ZNF274: variants seen among roughly 807,000 people sequenced by gnomAD.
ZNF274 encodes neurotrophin receptor-interacting factor homolog.
ZNF274 carries 23 observed loss-of-function variants against 42.5 expected under a neutral mutation model. That is an observed-to-expected ratio of 0.54 (90% CI 0.39 to 0.77). The LOEUF is 0.77. Ranked by LOEUF, ZNF274 falls within the 30% of genes least tolerant of loss-of-function variation. The pLI is 0.00. For synonymous variants in ZNF274, 292 were observed against 305.4 expected (o/e 0.96, Z 0.46); for missense variants, 679 against 806.5 (o/e 0.84, Z 1.91).
rs1030733919 is a variant in ZNF274, at chr19:58,211,479, C to A, written c.853-81C>A. The A allele has an allele frequency of 4.6e-6, 7 of 1,515,436 alleles. No individual in the cohort carries two copies. In the African/African-American group the frequency reaches 9.7e-5, roughly 21 times the overall value. The allele number at this position is 1,515,436 out of a possible 1,614,324, so 93.9% of individuals were successfully genotyped here. A position where few individuals can be genotyped will look rare whatever the true frequency, so the allele number is the denominator to read the frequency against. ...CTAGCACCGTGAGCTCTGTCAGAAC[C>A]TCCCAGCTGGCCTTTCTTCTGCCCT... is the stretch of plus-strand genomic sequence containing the variant. On this transcript the variant is annotated intron_variant, in intron 6 of 7. Transcript: ENST00000617501. The surrounding 1 kb of genome is among the most constrained non-coding windows in gnomAD (Gnocchi z 4.8).
At chr19:58,188,300 G>C (rs2075723881) in intron 4 of ZNF274, among the ~76,000 whole-genome samples, 1 of 151,076 alleles carries the variant, frequency 6.6e-6, no homozygotes, top group Admixed American at 6.6e-5. Flanking sequence ...TGAGGTGGGA[G>C]GTTGTTTGAG....
intron 3 of ZNF274, 131 bp from the exon 4 acceptor site, chr19:58,186,816 T>C: frequency 1.4e-6 from 1 of 705,858 alleles, no homozygotes; most frequent in Non-Finnish European, 2.4e-6. Flanking sequence ...GATGGAGTTG[T>C]GTTCACTGCT....
At chr19:58,186,846 C>A in intron 3 of ZNF274, 101 bp from the exon 4 acceptor site, 1 of 971,908 alleles carries the variant, frequency 1.0e-6, no homozygotes, top group South Asian at 1.5e-5. Flanking sequence ...AAGTCATGTG[C>A]CTTAGCAGGG....
chr19:58,195,221 GTGTGTGTATATA>G (rs1169921647), intron 4 of ZNF274, among the ~76,000 whole-genome samples: 2 of 144,304 alleles, frequency 1.4e-5, no homozygotes, highest in East Asian at 1.9e-4. Flanking sequence ...ACACATATAT[GTGTGTGTATATA>G]TGTGTGTGTA....
At chr19:58,186,535 CA>C (rs10695409) in intron 3 of ZNF274, among the ~76,000 whole-genome samples, 122 of 102,202 alleles carry the variant, frequency 1.2e-3, no homozygotes, top group East Asian at 1.6e-3. Flanking sequence ...GACTCCGTCT[CA>C]AAAAAAAAAA....
intron 4 of ZNF274, among the ~76,000 whole-genome samples, chr19:58,195,676 C>T (rs542138521): frequency 6.6e-6 from 1 of 152,126 alleles, no homozygotes. Flanking sequence ...CTTTTTGGCA[C>T]TAGGGACCGG....
intron 4 of ZNF274, among the ~76,000 whole-genome samples, chr19:58,190,289 A>C (rs2146201527): frequency 6.6e-6 from 1 of 151,966 alleles, no homozygotes. Context: ...CTGGGACTAC[A>C]GGCATGTGCC....
rs769545014 is a variant in ZNF274 at position 58,185,749 on chromosome 19, C to T, written c.71C>T (p.Thr24Ile). The T allele has an allele frequency of 6.8e-6, 10 of 1,463,628 alleles. No individual in the cohort carries two copies. Among genetic ancestry groups the T allele is most frequent in the Middle Eastern group, 1.8e-4 (1 of 5,450 alleles). 90.7% of individuals were successfully genotyped at this position (1,463,628 alleles called of 1,614,324 possible). A position where few individuals can be genotyped will look rare whatever the true frequency, so the allele number is the denominator to read the frequency against. The change falls in exon 3 of 8, where the codon ACC becomes ATC. Residue 24 changes from threonine to isoleucine, a missense_variant. Thr to Ile is a moderately conservative substitution (Grantham distance 89). Around this residue, in one of 2 missense-constraint regions of ZNF274, gnomAD observed 223 missense variants for 216.4 expected, o/e 1.03. Coordinates refer to ENST00000617501, the MANE Select transcript of ZNF274 (RefSeq NM_133502.3). Reference sequence around the variant, plus strand: ...TTTGAAGATGTAACACTGGGTTTTACCCCGGAAGAGTGGGGACTGCTGGAC... The same window carrying T: ...TTTGAAGATGTAACACTGGGTTTTATCCCGGAAGAGTGGGGACTGCTGGAC... ...VTFEDVTLGFTPEEWGLLDLK... is the reference protein window; with the variant it reads ...VTFEDVTLGFIPEEWGLLDLK...
chr19:58,209,400 G>A (rs1280166838), intron 5 of ZNF274: 1 of 152,540 alleles, frequency 6.6e-6, no homozygotes, highest in Non-Finnish European at 1.5e-5. Flanking sequence ...TGTGAGGAAG[G>A]TTAGAATGAA....
chr19:58,187,128 G>A, intron 4 of ZNF274, 86 bp downstream of exon 4: 1 of 1,177,310 alleles, frequency 8.5e-7, no homozygotes, highest in Non-Finnish European at 1.2e-6. Context: ...AGTAGACATT[G>A]GGATACCCCA....
chr19:58,207,317 C>A lies in ZNF274; in HGVS notation c.739+115C>A. The A allele has an allele frequency of 7.0e-7, 1 of 1,429,206 alleles. No individual in the cohort carries two copies. Among genetic ancestry groups the A allele is most frequent in the Non-Finnish European group, 9.3e-7 (1 of 1,079,670 alleles). The allele number at this position is 1,429,206 out of a possible 1,614,324, so 88.5% of individuals were successfully genotyped here. On this transcript the variant is annotated intron_variant, in intron 5 of 7. Transcript: ENST00000617501. This position sits in a 1 kb window ranked among gnomAD's most constrained non-coding sequence, Gnocchi z 5.6. ...GGTCATGGGAAGGATTGTGTCCGCT[C>A]CATACAGACCAAGGACATCCATGTT... is the stretch of plus-strand genomic sequence containing the variant.
At position 58,185,617 on chromosome 19, in the gene ZNF274, C is replaced by G. The variant is rs1366327270; in HGVS notation, c.34-95C>G. 3.0e-6 allele frequency: 4 copies of G among 1,314,320 alleles called. No individual in the cohort carries two copies. The East Asian group carries it at 1.1e-4, about 37-fold the overall frequency. The allele number at this position is 1,314,320 out of a possible 1,614,324, so 81.4% of individuals were successfully genotyped here. A position where few individuals can be genotyped will look rare whatever the true frequency, so the allele number is the denominator to read the frequency against. On this transcript the variant is annotated intron_variant, in intron 2 of 7. Coordinates refer to ENST00000617501, the MANE Select transcript of ZNF274 (RefSeq NM_133502.3). ...AATGCCCTTGGGTCATCTTGTAGAC[C>G]ATTCTGTGCTTTCACTGGCCTGGTC...
Position 58,213,297 on chromosome 19 carries a change from C to T in ZNF274, c.*154C>T. On this transcript the variant is annotated 3_prime_UTR_variant, in exon 8 of 8. Transcript: ENST00000617501. ...GGACAACTGAGGAGACTGCCCAGCA[C>T]ATAATGAATAAATAAGAAAATGAGT... The T allele has an allele frequency of 2.4e-6, 2 of 849,246 alleles. No individual in the cohort carries two copies. Among genetic ancestry groups the T allele is most frequent in the Admixed American group, 3.4e-5 (1 of 29,538 alleles). 52.6% of individuals were successfully genotyped at this position (849,246 alleles called of 1,614,324 possible).
At chr19:58,186,176 T>TA (rs33929829) in intron 3 of ZNF274, 1,445 of 134,170 alleles carry the variant, frequency 0.011, 12 homozygotes, top group African/African-American at 0.022. Context: ...GTGTCTCTAT[T>TA]AAAAAAAAAA....
At chr19:58,188,686 A>G (rs1171541115) in intron 4 of ZNF274, among the ~76,000 whole-genome samples, 6 of 69,454 alleles carry the variant, frequency 8.6e-5, no homozygotes, top group African/African-American at 3.0e-4. Flanking sequence ...GTATATATAT[A>G]TGTATATGTA....
chr19:58,207,058 C>A lies in ZNF274; in HGVS notation c.595C>A (p.Gln199Lys). The change falls in exon 5 of 8, where the codon CAG (glutamine) becomes AAG (lysine). Residue 199 changes from glutamine to lysine, a missense_variant. Physicochemically the swap from Gln to Lys is moderately conservative, Grantham distance 53. This residue lies in a region of ZNF274 where 456 missense variants were observed against 590.1 expected (regional missense o/e 0.77). Coordinates refer to ENST00000617501, the MANE Select transcript of ZNF274 (RefSeq NM_133502.3). This position sits in a 1 kb window ranked among gnomAD's most constrained non-coding sequence, Gnocchi z 5.6. ...WLQPKARSKE[Q>K]ILELLVLEQF... The stretch of plus-strand genomic sequence containing the variant: ...ACAGCCTAAGGCACGCTCCAAGGAG[C>A]AGATCCTGGAGCTGCTGGTGCTGGA... 6.2e-7 allele frequency: 1 copy of A among 1,613,678 alleles called. No individual in the cohort carries two copies. Among genetic ancestry groups the A allele is most frequent in the Non-Finnish European group, 8.5e-7 (1 of 1,179,868 alleles).
At position 58,207,223 on chromosome 19, in the gene ZNF274, A is replaced by G. The variant is rs2075990548; in HGVS notation, c.739+21A>G. The G allele has an allele frequency of 6.3e-7, 1 of 1,594,588 alleles. No individual in the cohort carries two copies. Among genetic ancestry groups the G allele is most frequent in the Non-Finnish European group, 8.5e-7 (1 of 1,169,752 alleles). On this transcript the variant is annotated intron_variant, in intron 5 of 7. Transcript: ENST00000617501. This position sits in a 1 kb window ranked among gnomAD's most constrained non-coding sequence, Gnocchi z 5.6. ...GGAAGGTAAGTAGAAGGGTGGGTAGAGGGACAGCTTAATGAGGGTGTCTTG... is the reference window on the plus strand; with the variant it reads ...GGAAGGTAAGTAGAAGGGTGGGTAGGGGGACAGCTTAATGAGGGTGTCTTG...
At chr19:58,210,876 G>C (rs921187569) in intron 6 of ZNF274, 1 of 152,184 alleles carries the variant, frequency 6.6e-6, no homozygotes, top group Non-Finnish European at 1.5e-5. Context: ...CACTACACCC[G>C]GCTAATTTTT....
At chr19:58,206,651 T>TA in intron 4 of ZNF274, 69 bp from the exon 5 acceptor site, 1 of 1,472,378 alleles carries the variant, frequency 6.8e-7, no homozygotes, top group Admixed American at 2.5e-5. Flanking sequence ...ATTTCCCTAG[T>TA]GAATAATGGC....
Sources: allele counts gnomAD v4.1 joint callset (sites outside exome capture counted in the v4.1 genomes callset), GRCh38; gene constraint gnomAD v4.1.1; regional missense constraint gnomAD v4.1.1; non-coding constraint Gnocchi (gnomAD v3.1); transcripts MANE v1.5; gene names NCBI Gene and HGNC (gene_info 2026-07-23, HGNC 2026-07-21).